UGGT1: variants seen among roughly 807,000 people sequenced by gnomAD.
UGGT1 encodes UDP-glucose glycoprotein glucosyltransferase 1.
A neutral mutation model predicts 203.9 loss-of-function variants in UGGT1; 107 were observed. That is an observed-to-expected ratio of 0.52 (90% confidence interval 0.45 to 0.62). The LOEUF (loss-of-function observed/expected upper bound fraction) is 0.62. Ranked by LOEUF, UGGT1 falls within the 20% of genes least tolerant of loss-of-function variation. The pLI is 0.00. For synonymous variants in UGGT1, 628 were observed against 653.5 expected (o/e 0.96, Z 0.59); for missense variants, 1,673 against 1,867.2 (o/e 0.90, Z 1.92).
chr2:128,187,808 G>A (rs1166007108), intron 40 of UGGT1, among the ~76,000 whole-genome samples, 194 bp downstream of exon 40: 2 of 148,502 alleles, frequency 1.3e-5, no homozygotes, highest in Admixed American at 1.3e-4. Flanking sequence ...TAGTGCAATT[G>A]CTATGTTTTT....
chr2:128,137,656 C>T lies in UGGT1; in HGVS notation c.1584-1061C>T, dbSNP rs372066292. ...CCACCTAAATTTTCTTCTCTGCTAT[C>T]GTCTGGGAATTTTTGTTTTTGTGTT... On this transcript the variant is annotated intron_variant, in intron 15 of 40. Transcript: ENST00000259253. 2.1e-4 allele frequency among the ~76,000 whole-genome samples: 32 copies of T among 152,312 alleles called. 1 individual carries two copies. Among genetic ancestry groups the T allele is most frequent in the African/African-American group, 6.0e-4 (25 of 41,576 alleles).
intron 5 of UGGT1, among the ~76,000 whole-genome samples, chr2:128,111,325 A>C (rs927072565): frequency 6.6e-6 from 1 of 151,934 alleles, no homozygotes; most frequent in African/African-American, 2.4e-5. Context: ...ACTGCACTCT[A>C]CCTTGGGCAA....
chr2:128,100,033 CTACTTAT>C (rs1687303187), intron 2 of UGGT1, among the ~76,000 whole-genome samples: 1 of 71,776 alleles, frequency 1.4e-5, no homozygotes, highest in Non-Finnish European at 2.8e-5. Context: ...CCCCCCCACC[CTACTTAT>C]TTTTTTTGAG....
In UGGT1 at chr2:128,193,485, A is replaced by C. The variant is rs1054139513; in HGVS notation, c.*3743A>C. 2 of 151,936 alleles carry C rather than the reference A, an allele frequency of 1.3e-5. No homozygotes were observed. Among genetic ancestry groups the C allele is most frequent in the African/African-American group, 2.4e-5 (1 of 41,238 alleles). The allele number at this position is 151,936 out of a possible 1,614,324, so 9.4% of individuals were successfully genotyped here. ...TGGCCAGGCTGATCTCAAACTCCTG[A>C]CCTCAGGTGGTGATCTGCCCACCTC... On this transcript the variant is annotated 3_prime_UTR_variant, in exon 41 of 41. Transcript: ENST00000259253.
At position 128,091,231 on chromosome 2, in the gene UGGT1, T is replaced by TGAGTCGAGCCGCGG; in HGVS notation, c.-124_-111dup. 1 of 1,075,788 alleles carries TGAGTCGAGCCGCGG rather than the reference T, an allele frequency of 9.3e-7. No individual in the cohort carries two copies. 66.6% of individuals were successfully genotyped at this position (1,075,788 alleles called of 1,614,324 possible). On this transcript the variant is annotated 5_prime_UTR_variant, in exon 1 of 41. Coordinates refer to ENST00000259253, the MANE Select transcript of UGGT1 (RefSeq NM_020120.4). ...GCAATTGCTTTGCGAGGCTGGGTGT[T>TGAGTCGAGCCGCGG]GAGTCGAGCCGCGGGAAAGGCGCGT... is the stretch of plus-strand genomic sequence containing the variant.
intron 8 of UGGT1, among the ~76,000 whole-genome samples, chr2:128,118,898 G>A (rs1325983013): frequency 1.3e-5 from 2 of 152,010 alleles, no homozygotes; most frequent in African/African-American, 2.4e-5. Context: ...TTGAACTCCT[G>A]GGCTCAAGGG....
chr2:128,161,187 ACCT>A lies in UGGT1; in HGVS notation c.2749_2751del (p.Leu917del). The A allele has an allele frequency of 6.2e-7, 1 of 1,613,926 alleles. No individual in the cohort carries two copies. The highest frequency in any genetic ancestry group is 1.1e-5 in the South Asian group (1 of 91,076). On this transcript the variant is annotated inframe_deletion, in exon 25 of 41. Transcript: ENST00000259253. ...GAGCTCTTTAATCAAGACGATTTCC[ACCT>A]CCTCGAAAATATCATCTTAAAAACC...
At chr2:128,151,038 A>T (rs1689936148) in intron 18 of UGGT1, 1 of 217,568 alleles carries the variant, frequency 4.6e-6, no homozygotes, top group African/African-American at 2.4e-5. Context: ...TTTAGTAGAG[A>T]CAGGGTTTTG....
At chr2:128,141,651 C>T (rs1397840957) in intron 16 of UGGT1, among the ~76,000 whole-genome samples, 1 of 150,974 alleles carries the variant, frequency 6.6e-6, no homozygotes, top group East Asian at 2.0e-4. Context: ...GGCACCATGT[C>T]TCAGCCTCCA....
chr2:128,183,842 A>G lies in UGGT1; in HGVS notation c.4359+53A>G. ...GTGAGTGACGGGTATACAGTGTTGC[A>G]TCAGAAAATGAAGTATTACTTGTGT... On this transcript the variant is annotated intron_variant, in intron 38 of 40. Coordinates refer to ENST00000259253, the MANE Select transcript of UGGT1 (RefSeq NM_020120.4). 2.1e-6 allele frequency: 3 copies of G among 1,418,156 alleles called. No individual in the cohort carries two copies. The South Asian group carries it at 3.5e-5, about 17-fold the overall frequency. 87.8% of individuals were successfully genotyped at this position (1,418,156 alleles called of 1,614,324 possible). A position where few individuals can be genotyped will look rare whatever the true frequency, so the allele number is the denominator to read the frequency against.
intron 18 of UGGT1, among the ~76,000 whole-genome samples, chr2:128,146,870 T>C (rs1573570894): frequency 6.6e-6 from 1 of 152,210 alleles, no homozygotes; most frequent in African/African-American, 2.4e-5. Context: ...CAGGATGATA[T>C]TGGACAGATA....
intron 11 of UGGT1, among the ~76,000 whole-genome samples, chr2:128,123,749 T>A (rs906242411): frequency 2.0e-5 from 3 of 152,218 alleles, no homozygotes; most frequent in African/African-American, 7.2e-5. Context: ...TGAGATGGAC[T>A]GGTTGCTCTT....
At chr2:128,105,803 C>CCAAG (rs1283954879) in intron 3 of UGGT1, among the ~76,000 whole-genome samples, 6 of 151,904 alleles carry the variant, frequency 3.9e-5, no homozygotes, top group African/African-American at 1.5e-4. Context: ...GTGTGAGTCA[C>CCAAG]CAAGCCCGGC....
intron 28 of UGGT1, 21 bp from the exon 29 acceptor site, chr2:128,172,552 C>G: frequency 6.2e-7 from 1 of 1,612,780 alleles, no homozygotes; most frequent in Non-Finnish European, 8.5e-7. Flanking sequence ...AATTATCTAA[C>G]ACTTTCCTTT....
chr2:128,156,314 G>A, intron 20 of UGGT1, 78 bp from the exon 21 acceptor site: 1 of 1,135,528 alleles, frequency 8.8e-7, no homozygotes, highest in Admixed American at 1.8e-5. Flanking sequence ...CCATTGTTTA[G>A]ACTTTCAATT....
chr2:128,161,129 C>G lies in UGGT1; in HGVS notation c.2695-9C>G, dbSNP rs1468755137. ...CAGAGCTAAGCGCCTGCTCTTCTCT[C>G]CTTCACAGATCATTGGGCCACTGGA... On this transcript the variant is annotated splice_polypyrimidine_tract_variant and intron_variant, in intron 24 of 40. Coordinates refer to ENST00000259253, the MANE Select transcript of UGGT1 (RefSeq NM_020120.4). 3 of 1,613,624 alleles carry G rather than the reference C, an allele frequency of 1.9e-6. No homozygotes were observed. In the East Asian group the frequency reaches 6.7e-5, roughly 36 times the overall value.
intron 15 of UGGT1, 76 bp downstream of exon 15, chr2:128,135,037 T>C: frequency 8.0e-7 from 1 of 1,251,408 alleles, no homozygotes; most frequent in Non-Finnish European, 1.2e-6. Context: ...GCAAGTCTGG[T>C]GCTACTGAGT....
At chr2:128,130,814 A>T (rs1360789522) in intron 13 of UGGT1, among the ~76,000 whole-genome samples, 2 of 151,744 alleles carry the variant, frequency 1.3e-5, no homozygotes, top group African/African-American at 4.8e-5. Flanking sequence ...TTTTTTAGAG[A>T]TGAGTCTCAC....
chr2:128,092,321 C>CTTATTTATTTATTTATTTATTTATTTAT (rs143592868), intron 1 of UGGT1, among the ~76,000 whole-genome samples: 1 of 145,450 alleles, frequency 6.9e-6, no homozygotes, highest in Non-Finnish European at 1.5e-5. Flanking sequence ...TAAAAAAATT[C>CTTATTTATTTATTTATTTATTTATTTAT]TTATTTATTT....
Sources: allele counts gnomAD v4.1 joint callset (sites outside exome capture counted in the v4.1 genomes callset), GRCh38; gene constraint gnomAD v4.1.1; transcripts MANE v1.5; gene names NCBI Gene and HGNC (gene_info 2026-07-23, HGNC 2026-07-21).